The following NRAP variants were observed in gnomAD, a reference collection of about 807,000 sequenced individuals.
NRAP encodes the protein nebulin related anchoring protein, also known as nebulin-related-anchoring protein.
Under a neutral mutation model 225.9 loss-of-function variants are expected in NRAP, and 189 were observed. The ratio of observed to expected loss-of-function variants is 0.84; its 90% CI spans 0.74 to 0.94. The LOEUF (loss-of-function observed/expected upper bound fraction) is 0.94, where lower values mean the gene tolerates loss of function less well. NRAP is among the 40% of genes least tolerant of loss of function. NRAP has a pLI of 0.00. For missense variants in NRAP, 2,176 were observed against 2,168.7 expected (o/e 1.00, Z -0.07); for synonymous variants, 769 against 790.7 (o/e 0.97, Z 0.46).
chr10:113,641,264 G>T, intron 13 of NRAP, 101 bp downstream of exon 13: 1 of 673,302 alleles, frequency 1.5e-6, no homozygotes. Context: ...CTTTAAAATA[G>T]AAGACAGATT....
At chr10:113,609,309 A>G (rs1847187048) in intron 31 of NRAP, among the ~76,000 whole-genome samples, 1 of 152,250 alleles carries the variant, frequency 6.6e-6, no homozygotes. Flanking sequence ...CTGATGCACC[A>G]TGAGGTACAG....
chr10:113,623,597 C>G lies in NRAP; in HGVS notation c.2389G>C (p.Gly797Arg). The stretch of plus-strand genomic sequence containing the variant: ...AAGGAATCAAGACGCAGCTCAAACC[C>G]TTTTGCTTTCTGGTTTTCCCAGCTG... Reference protein sequence around the residue: ...KSSWENQKAKGFELRLDSLTF... With the variant: ...KSSWENQKAKRFELRLDSLTF... Residue 797 changes from glycine (G) to arginine (R), a missense_variant, in exon 23 of 42, where the codon GGG (glycine) becomes CGG (arginine). This residue lies in a region of NRAP where 1,708 missense variants were observed against 1,695.5 expected (regional missense o/e 1.01). Coordinates refer to ENST00000359988, the MANE Select transcript of NRAP (RefSeq NM_198060.4). 6.2e-7 allele frequency: 1 copy of G among 1,614,026 alleles called. No homozygotes were observed. Among genetic ancestry groups the G allele is most frequent in the East Asian group, 2.2e-5 (1 of 44,874 alleles).
intron 12 of NRAP, among the ~76,000 whole-genome samples, chr10:113,642,723 A>G (rs866913800): frequency 6.6e-6 from 1 of 152,178 alleles, no homozygotes; most frequent in Non-Finnish European, 1.5e-5. Context: ...CGCCCAGAGG[A>G]CTCAGGGTCA....
chr10:113,629,729 A>T lies in NRAP; in HGVS notation c.1899T>A (p.Asp633Glu). 1 of 1,614,040 alleles carries T rather than the reference A, an allele frequency of 6.2e-7. No homozygotes were observed. The highest frequency in any genetic ancestry group is 8.5e-7 in the Non-Finnish European group (1 of 1,179,890). ...ESKTRFHLPMDMVNIRHAKKA... is the reference protein window; with the variant it reads ...ESKTRFHLPMEMVNIRHAKKA... ...TCTTAGCATGCCTGATGTTTACCAT[A>T]TCCATGGGCAGGTGAAACCGGGTCT... Residue 633 changes from aspartate (D) to glutamate (E), a missense_variant, in exon 19 of 42, where the codon GAT (aspartate) becomes GAA (glutamate). Transcript: ENST00000359988.
chr10:113,613,146 C>A lies in NRAP; in HGVS notation c.3301-715G>T, dbSNP rs568396630. Among the ~76,000 whole-genome samples the A allele has an allele frequency of 2.0e-5, 3 of 152,276 alleles. No homozygotes were observed. In the South Asian group the frequency reaches 6.2e-4, roughly 32 times the overall value. On this transcript the variant is annotated intron_variant, in intron 29 of 41. Transcript: ENST00000359988. ...CTTTCATTGCTCTGGCCACCCCTCC[C>A]TGACCTCCTATCCCCACTTCCATTC...
At chr10:113,621,422 C>G (rs1847978964) in intron 24 of NRAP, among the ~76,000 whole-genome samples, 1 of 151,908 alleles carries the variant, frequency 6.6e-6, no homozygotes, top group Non-Finnish European at 1.5e-5. Flanking sequence ...TACCTGAAGA[C>G]AGAAAGTAGA....
chr10:113,661,262 G>A (rs372595000), intron 3 of NRAP, among the ~76,000 whole-genome samples: 1 of 152,158 alleles, frequency 6.6e-6, no homozygotes, highest in Admixed American at 6.5e-5. Context: ...TGTGGTGTAC[G>A]TTAAATTAAT....
intron 3 of NRAP, among the ~76,000 whole-genome samples, chr10:113,659,504 C>T: frequency 6.6e-6 from 1 of 152,156 alleles, no homozygotes; most frequent in East Asian, 1.9e-4. Flanking sequence ...GTCCTCCTTC[C>T]CCAGTGCAAA....
At position 113,604,793 on chromosome 10, in the gene NRAP, C is replaced by T. The variant is rs184690165; in HGVS notation, c.4043G>A (p.Arg1348Lys). The stretch of plus-strand genomic sequence containing the variant: ...CTGGGCTTGGCTGCTGGTCGCCCCC[C>T]TCCTGTACTGAAGCTCGCTCTGCAG... ...GQLQSELQYR[R>K]GATSSQAQFH... is the part of the protein sequence containing the mutation. Residue 1348 changes from arginine (R) to lysine (K), a missense_variant, in exon 35 of 42, where the codon AGG (arginine) becomes AAG (lysine). Physicochemically the swap from Arg to Lys is conservative, Grantham distance 26. Around this residue, in one of 3 missense-constraint regions of NRAP, gnomAD observed 1,708 missense variants for 1,695.5 expected, o/e 1.01. Coordinates refer to ENST00000359988, the MANE Select transcript of NRAP (RefSeq NM_198060.4). 131 of 1,614,180 alleles carry T rather than the reference C, an allele frequency of 8.1e-5. No individual in the cohort carries two copies. In the East Asian group the frequency reaches 1.9e-3, roughly 24 times the overall value.
intron 30 of NRAP, 86 bp downstream of exon 30, chr10:113,612,148 T>G: frequency 9.2e-7 from 1 of 1,084,072 alleles, no homozygotes; most frequent in East Asian, 2.4e-5. Context: ...TCCAGAGATT[T>G]CACTGAGCCA....
chr10:113,639,078 G>C (rs1326715375), intron 14 of NRAP, among the ~76,000 whole-genome samples: 1 of 124,330 alleles, frequency 8.0e-6, no homozygotes, highest in Non-Finnish European at 1.7e-5. Context: ...AGTTTCCCAG[G>C]TAATGTATAT....
chr10:113,590,787 G>A lies in NRAP; in HGVS notation c.4747C>T (p.Leu1583Phe). Residue 1583 changes from leucine to phenylalanine, a missense_variant, in exon 40 of 42, where the codon CTC (leucine) becomes TTC (phenylalanine). Around this residue, in one of 3 missense-constraint regions of NRAP, gnomAD observed 445 missense variants for 426.1 expected, o/e 1.04. Transcript: ENST00000359988. Reference protein sequence around the residue: ...RMKHFLNVGRLQSDNEYKKDF... With the variant: ...RMKHFLNVGRFQSDNEYKKDF... ...TTCTTGTACTCATTGTCACTCTGGA[G>A]CCTGCCAACGTTGAGGAAATGCTTC... The A allele has an allele frequency of 6.2e-7, 1 of 1,614,222 alleles. No homozygotes were observed. The highest frequency in any genetic ancestry group is 8.5e-7 in the Non-Finnish European group (1 of 1,180,032).
intron 3 of NRAP, among the ~76,000 whole-genome samples, chr10:113,661,649 G>A (rs903784558): frequency 6.6e-6 from 1 of 152,142 alleles, no homozygotes; most frequent in Admixed American, 6.6e-5. Context: ...CAAGAGTTCC[G>A]TCGATAACTG....
Position 113,657,559 on chromosome 10 carries a change from C to G in NRAP, c.271G>C (p.Asp91His), listed in dbSNP as rs139558626. 7.6e-6 allele frequency: 12 copies of G among 1,583,226 alleles called. No individual in the cohort carries two copies. The highest frequency in any genetic ancestry group is 1.3e-5 in the African/African-American group (1 of 74,340). ...EAISGIHDQE[D>H]GEQCKSVFHW... is the part of the protein sequence containing the mutation. ...AAAACTGATTTACACTGTTCACCAT[C>G]TTCTTGGTCATGGATCTGCTCAAGG... The change falls in exon 4 of 42, where the codon GAT becomes CAT. Residue 91 changes from aspartate (D) to histidine (H), a missense_variant. By Grantham distance (81) the Asp-to-His change is moderately conservative. Transcript: ENST00000359988.
intron 7 of NRAP, 37 bp downstream of exon 7, chr10:113,651,766 G>A: frequency 8.2e-7 from 1 of 1,223,272 alleles, no homozygotes; most frequent in Non-Finnish European, 1.2e-6. Context: ...CAACCCAAAT[G>A]CCCATCAGTG....
rs777292364 is a variant in NRAP at position 113,598,070 on chromosome 10, G to A, written c.4231C>T (p.Arg1411Cys). 3.5e-5 allele frequency: 57 copies of A among 1,608,012 alleles called. No homozygotes were observed. The highest frequency in any genetic ancestry group is 2.3e-4 in the Admixed American group (14 of 59,956). ...ATGCCGATCAGGTCTGACTTGTAGC[G>A]CAACTGCAGGGAAAAAAATCATGGG... The part of the protein sequence containing the change: ...KKAHALQSEL[R>C]YKSDLIGMKG... The change falls in exon 36 of 42, where the codon CGC becomes TGC. Residue 1411 changes from arginine (R) to cysteine (C), a missense_variant. Arg to Cys is a radical substitution (Grantham distance 180, BLOSUM62 -3). Around this residue, in one of 3 missense-constraint regions of NRAP, gnomAD observed 445 missense variants for 426.1 expected, o/e 1.04. Coordinates refer to ENST00000359988, the MANE Select transcript of NRAP (RefSeq NM_198060.4).
At chr10:113,602,044 C>A (rs571540844) in intron 35 of NRAP, among the ~76,000 whole-genome samples, 1 of 152,274 alleles carries the variant, frequency 6.6e-6, no homozygotes, top group East Asian at 1.9e-4. Flanking sequence ...CACCACCACA[C>A]CCAGCTAATT....
At chr10:113,633,349 GA>G (rs1228640272) in intron 15 of NRAP, among the ~76,000 whole-genome samples, 161 bp from the exon 16 acceptor site, 1 of 152,132 alleles carries the variant, frequency 6.6e-6, no homozygotes, top group Non-Finnish European at 1.5e-5. Context: ...TTAAATTAAT[GA>G]ACTGAAGGTG....
chr10:113,617,913 C>A (rs1475909987), intron 25 of NRAP, among the ~76,000 whole-genome samples: 1 of 152,120 alleles, frequency 6.6e-6, no homozygotes, highest in African/African-American at 2.4e-5. Context: ...CAAGAAAGAG[C>A]ATTCAGAGTT....
Sources: allele counts gnomAD v4.1 joint callset (sites outside exome capture counted in the v4.1 genomes callset), GRCh38; gene constraint gnomAD v4.1.1; regional missense constraint gnomAD v4.1.1; transcripts MANE v1.5; gene names NCBI Gene and HGNC (gene_info 2026-07-23, HGNC 2026-07-21).